Variants in GPHN observed in about 807,000 individuals in gnomAD.
The protein encoded by GPHN is gephyrin.
GPHN carries 17 observed loss-of-function variants against 95.5 expected under a neutral mutation model. That is an observed-to-expected ratio of 0.18 (90% confidence interval 0.12 to 0.27). The LOEUF (loss-of-function observed/expected upper bound fraction) is 0.27. Among genes scored for constraint, GPHN ranks in the 10% least tolerant of loss-of-function variants. GPHN has a pLI of 1.00. For synonymous variants in GPHN, 320 were observed against 322.5 expected, an observed-to-expected ratio of 0.99 and a Z score of 0.08; for missense variants, 660 against 978.1, an observed-to-expected ratio of 0.67 and a Z score of 4.34.
rs142646318 is a variant in GPHN, at chr14:66,830,098, A to G, written c.294+5532A>G. On this transcript the variant is annotated intron_variant, in intron 4 of 22. Coordinates refer to ENST00000478722, the MANE Select transcript of GPHN (RefSeq NM_020806.5). The stretch of plus-strand genomic sequence containing the variant: ...GTTCAGAAGTTGTAAACAAGACCGC[A>G]TAGCCTATAAAGCCTGACGTATTTA... Among the ~76,000 whole-genome samples, 1,434 of 152,300 alleles carry G rather than the reference A, an allele frequency of 9.4e-3. 25 individuals carry two copies. Among genetic ancestry groups the G allele is most frequent in the African/African-American group, 0.031 (1,301 of 41,566 alleles).
At chr14:67,392,516 A>G in the GPHN span, 1 of 1,263,828 alleles carries the variant, frequency 7.9e-7, no homozygotes, top group Non-Finnish European at 1.2e-6. Flanking sequence ...GAAATTCCTC[A>G]GGACAGGAAC....
the GPHN span, among the ~76,000 whole-genome samples, chr14:67,417,426 T>A: frequency 6.6e-6 from 1 of 152,146 alleles, no homozygotes; most frequent in Non-Finnish European, 1.5e-5. Context: ...CCTCCAGAGT[T>A]ATGGATATAA....
intron 2 of GPHN, among the ~76,000 whole-genome samples, chr14:66,710,520 C>A (rs942529398): frequency 6.6e-6 from 1 of 152,140 alleles, no homozygotes; most frequent in Non-Finnish European, 1.5e-5. Flanking sequence ...TGGTAACTCA[C>A]AAATATTATT....
At chr14:66,592,806 C>T (rs989743108) in intron 1 of GPHN, among the ~76,000 whole-genome samples, 1 of 152,166 alleles carries the variant, frequency 6.6e-6, no homozygotes. Flanking sequence ...TGGGTATATA[C>T]CCAAAGGATT....
intron 1 of GPHN, among the ~76,000 whole-genome samples, chr14:66,563,462 T>A (rs1019293054): frequency 2.6e-5 from 4 of 152,202 alleles, no homozygotes; most frequent in Non-Finnish European, 5.9e-5. Context: ...TCCTTTTAGC[T>A]CTCTAAATTT....
chr14:67,435,219 A>C, the GPHN span, among the ~76,000 whole-genome samples: 5 of 152,106 alleles, frequency 3.3e-5, no homozygotes, highest in African/African-American at 1.2e-4. Flanking sequence ...CACCTGCCTC[A>C]GCATCCCAAA....
At chr14:67,594,670 T>A in the GPHN span, among the ~76,000 whole-genome samples, 1 of 150,322 alleles carries the variant, frequency 6.7e-6, no homozygotes, top group African/African-American at 2.4e-5. Context: ...GGACCCCAAA[T>A]CTTTTCCTTT....
At chr14:67,034,363 G>A (rs1594883486) in intron 10 of GPHN, among the ~76,000 whole-genome samples, 1 of 152,008 alleles carries the variant, frequency 6.6e-6, no homozygotes. Context: ...AAAGCATATC[G>A]ATAATGCAAA....
chr14:66,657,528 A>G (rs1247371986), intron 1 of GPHN, among the ~76,000 whole-genome samples: 1 of 152,192 alleles, frequency 6.6e-6, no homozygotes, highest in African/African-American at 2.4e-5. Context: ...CCTGGCTTCA[A>G]AGCTTAGGCT....
chr14:66,851,978 C>T (rs2062603120), intron 4 of GPHN, among the ~76,000 whole-genome samples: 1 of 152,100 alleles, frequency 6.6e-6, no homozygotes, highest in Admixed American at 6.6e-5. Context: ...ATTAATTGCA[C>T]TTTTGGAATA....
intron 2 of GPHN, among the ~76,000 whole-genome samples, chr14:66,695,522 G>T (rs1260149907): frequency 1.3e-5 from 2 of 152,138 alleles, no homozygotes; most frequent in Admixed American, 1.3e-4. Context: ...TTATCCAAAT[G>T]TGTTGAAAAT....
the GPHN span, among the ~76,000 whole-genome samples, chr14:67,417,609 T>A: frequency 5.9e-5 from 7 of 119,228 alleles, no homozygotes; most frequent in Admixed American, 8.8e-5. Context: ...TTAAAAAAAA[T>A]TTTTTTTTGT....
the GPHN span, among the ~76,000 whole-genome samples, chr14:67,308,329 CT>C: frequency 3.6e-5 from 4 of 112,484 alleles, no homozygotes; most frequent in East Asian, 5.3e-4. Context: ...TTTTTTTTTT[CT>C]TTTTTTTCTC....
Position 66,810,547 on chromosome 14 carries a change from A to G in GPHN, c.202-13927A>G, listed in dbSNP as rs892104775. ...ATGTTTGAGACAAGGTAATAAAACT[A>G]TCACAGAAATTCTTCTTTTTCTTAC... On this transcript the variant is annotated intron_variant, in intron 3 of 22. Coordinates refer to ENST00000478722, the MANE Select transcript of GPHN (RefSeq NM_020806.5). 2.6e-5 allele frequency among the ~76,000 whole-genome samples: 4 copies of G among 152,180 alleles called. No homozygotes were observed. In the East Asian group the frequency reaches 5.8e-4, roughly 22 times the overall value.
At chr14:67,279,244 C>T in the GPHN span, 1 of 1,613,510 alleles carries the variant, frequency 6.2e-7, no homozygotes. Flanking sequence ...GATCTTGCAT[C>T]ACCAGAGGAA....
At chr14:66,534,194 TTA>T (rs1369897689) in intron 1 of GPHN, among the ~76,000 whole-genome samples, 1 of 152,148 alleles carries the variant, frequency 6.6e-6, no homozygotes, top group Non-Finnish European at 1.5e-5. Flanking sequence ...GGTGAGTTTT[TTA>T]TGTGTACAAA....
At chr14:66,593,596 CCAGGGATTA>C (rs1048310126) in intron 1 of GPHN, among the ~76,000 whole-genome samples, 3 of 152,078 alleles carry the variant, frequency 2.0e-5, no homozygotes, top group African/African-American at 7.2e-5. Context: ...TTCTCAACAC[CCAGGGATTA>C]CAGGGATTAC....
intron 11 of GPHN, among the ~76,000 whole-genome samples, chr14:67,076,580 T>C (rs1421173206): frequency 1.3e-5 from 2 of 152,206 alleles, no homozygotes; most frequent in African/African-American, 4.8e-5. Context: ...AGAGTAAATA[T>C]ATGTTTTGAC....
At chr14:67,025,363 C>A (rs2153627670) in intron 10 of GPHN, among the ~76,000 whole-genome samples, 1 of 152,174 alleles carries the variant, frequency 6.6e-6, no homozygotes, top group East Asian at 1.9e-4. Flanking sequence ...CCCTGAAAAC[C>A]AAGTTTCAGG....
Sources: gnomAD v4.1 joint callset for allele counts (sites outside exome capture counted in the v4.1 genomes callset) on GRCh38, gnomAD v4.1.1 for gene constraint, MANE v1.5 for transcripts, NCBI Gene and HGNC (gene_info 2026-07-23, HGNC 2026-07-21) for gene names.